The following F8 variants were observed in gnomAD, a reference collection of about 807,000 sequenced individuals.
F8 encodes coagulation factor VIII.
F8 carries 12 observed loss-of-function variants against 140.6 expected under a neutral mutation model. The ratio of observed to expected loss-of-function variants is 0.09; its 90% CI spans 0.05 to 0.14. The LOEUF (loss-of-function observed/expected upper bound fraction) is 0.14. Ranked by LOEUF, F8 falls within the 10% of genes least tolerant of loss-of-function variation. The pLI is 1.00. For missense variants in F8, 1,354 were observed against 1,720.7 expected, an observed-to-expected ratio of 0.79 and a Z score of 3.77; for synonymous variants, 585 against 614.6, an observed-to-expected ratio of 0.95 and a Z score of 0.71.
At position 154,837,724 on chromosome X, in the gene F8, G is replaced by A. The variant is rs373079141; in HGVS notation, c.6929C>T (p.Thr2310Ile). 19 of 1,210,003 alleles carry A rather than the reference G, an allele frequency of 1.6e-5. No individual in the cohort carries two copies. The highest frequency in any genetic ancestry group is 3.5e-5 in the South Asian group (2 of 56,820). ...TGGGTCTAGAGAGTTCACCACAGGT[G>A]TGAAGGAGTCTTGATTTCCCTGAAA... ...KVFQGNQDSF[T>I]PVVNSLDPPL... is the part of the protein sequence containing the mutation. The change falls in exon 26 of 26, where the codon ACA (threonine) becomes ATA (isoleucine). Residue 2310 changes from threonine to isoleucine, a missense_variant. By Grantham distance (89) the Thr-to-Ile change is moderately conservative. This residue lies in a region of F8 where 316 missense variants were observed against 485.4 expected (regional missense o/e 0.65). Coordinates refer to ENST00000360256, the MANE Select transcript of F8 (RefSeq NM_000132.4).
intron 13 of F8, among the ~76,000 whole-genome samples, chrX:154,940,344 C>T (rs782168028): frequency 5.2e-4 from 58 of 112,090 alleles, no homozygotes; most frequent in East Asian, 1.1e-3. Context: ...CTGAAAACCA[C>T]GGCACGAGAA....
intron 4 of F8, among the ~76,000 whole-genome samples, chrX:154,988,347 T>C: frequency 8.9e-6 from 1 of 112,180 alleles, no homozygotes; most frequent in East Asian, 2.8e-4. Context: ...TAACCTTTCA[T>C]GTCTATGTTA....
chrX:154,866,614 C>T (rs1557273169), intron 22 of F8, among the ~76,000 whole-genome samples: 1 of 111,531 alleles, frequency 9.0e-6, no homozygotes, highest in African/African-American at 3.3e-5. Context: ...GGAAACTAAA[C>T]AACACATTCT....
At position 154,889,380 on chromosome X, in the gene F8, GCTT is replaced by G. The variant is rs1201472685; in HGVS notation, c.6429+6694_6429+6696del. ...CCCGGGCTGCAGACCTGGCCGGCTGGCTTCTTGTCAGGTTCAGGAGTTACGGAG... is the reference window on the plus strand; with the variant it reads ...CCCGGGCTGCAGACCTGGCCGGCTGGCTTGTCAGGTTCAGGAGTTACGGAG... On this transcript the variant is annotated intron_variant, in intron 22 of 25. Coordinates refer to ENST00000360256, the MANE Select transcript of F8 (RefSeq NM_000132.4). 1.2e-4 allele frequency among the ~76,000 whole-genome samples: 13 copies of G among 109,292 alleles called. No homozygotes were observed. The East Asian group carries it at 3.7e-3, about 31-fold the overall frequency. 94.9% of individuals were successfully genotyped at this position (109,292 alleles called of 115,157 possible). A position where few individuals can be genotyped will look rare whatever the true frequency, so the allele number is the denominator to read the frequency against.
intron 25 of F8, among the ~76,000 whole-genome samples, chrX:154,841,830 T>C (rs1384809655): frequency 9.0e-6 from 1 of 111,670 alleles, no homozygotes; most frequent in East Asian, 2.8e-4. Context: ...AATATTTTGT[T>C]TGGGATTTAT....
intron 3 of F8, among the ~76,000 whole-genome samples, chrX:154,995,808 C>T (rs1271281725): frequency 9.0e-6 from 1 of 111,482 alleles, no homozygotes; most frequent in Non-Finnish European, 1.9e-5. Context: ...CTTTTTTGTA[C>T]TTAACCTTTG....
Position 154,996,925 on chromosome X carries a change from C to T in F8, c.388+48G>A, listed in dbSNP as rs1282142276. 12 of 1,194,931 alleles carry T rather than the reference C, an allele frequency of 1.0e-5. No individual in the cohort carries two copies. In the Admixed American group the frequency reaches 2.4e-4, roughly 24 times the overall value. On this transcript the variant is annotated intron_variant, in intron 3 of 25. Coordinates refer to ENST00000360256, the MANE Select transcript of F8 (RefSeq NM_000132.4). ...ACCATTACAAAGCACACACATCTCA[C>T]TGTTCTATTCATAGAATGACAGGAC...
At chrX:154,969,199 C>A in intron 7 of F8, 132 bp downstream of exon 7, 2 of 595,875 alleles carry the variant, frequency 3.4e-6, no homozygotes, top group Admixed American at 7.6e-5. Context: ...GGGATCTTGG[C>A]TGAGGTCTAA....
At chrX:154,907,443 A>G (rs1961765460) in intron 14 of F8, among the ~76,000 whole-genome samples, 1 of 112,031 alleles carries the variant, frequency 8.9e-6, no homozygotes, top group South Asian at 3.7e-4. Context: ...GTGAACATAT[A>G]TGTGCATTTC....
intron 4 of F8, among the ~76,000 whole-genome samples, chrX:154,990,293 T>C (rs782633055): frequency 1.8e-5 from 2 of 112,036 alleles, no homozygotes; most frequent in East Asian, 5.6e-4. Context: ...TTGAATATTT[T>C]TGATATACCA....
chrX:154,855,166 A>G (rs2072642916), intron 25 of F8, among the ~76,000 whole-genome samples: 1 of 111,981 alleles, frequency 8.9e-6, no homozygotes. Context: ...CTCCTAATCA[A>G]CTACTTTTAA....
intron 25 of F8, among the ~76,000 whole-genome samples, chrX:154,851,509 C>T (rs939334620): frequency 7.2e-4 from 80 of 111,505 alleles, no homozygotes; most frequent in African/African-American, 2.5e-3. Flanking sequence ...TTCTCATCAT[C>T]AAGGAAGGTT....
chrX:155,011,721 T>C (rs782537380), intron 1 of F8, among the ~76,000 whole-genome samples: 2 of 112,438 alleles, frequency 1.8e-5, no homozygotes, highest in South Asian at 7.4e-4. Flanking sequence ...TATTCAGCCA[T>C]AAAAAGGAGT....
rs781808317 is a variant in F8 at position 155,003,415 on chromosome X, G to GA, written c.144-3816dup. ...TCCAATCAAAACTGAAAAGCAAAGA[G>GA]AAAAAAAGACTGAAAAAAAAAAAAA... On this transcript the variant is annotated intron_variant, in intron 1 of 25. Coordinates refer to ENST00000360256, the MANE Select transcript of F8 (RefSeq NM_000132.4). Among the ~76,000 whole-genome samples, 448 of 92,149 alleles carry GA rather than the reference G, an allele frequency of 4.9e-3. 3 individuals are homozygous for GA. The highest frequency in any genetic ancestry group is 0.017 in the African/African-American group (416 of 24,972). 80.0% of individuals were successfully genotyped at this position (92,149 alleles called of 115,157 possible).
At chrX:154,894,596 G>A (rs1415129565) in intron 22 of F8, among the ~76,000 whole-genome samples, 9 of 110,458 alleles carry the variant, frequency 8.1e-5, no homozygotes, top group East Asian at 5.7e-4. Flanking sequence ...GCATGAGCCC[G>A]TAGTCCCAGC....
chrX:154,866,850 C>A, intron 22 of F8, among the ~76,000 whole-genome samples: 1 of 106,598 alleles, frequency 9.4e-6, no homozygotes, highest in African/African-American at 3.4e-5. Flanking sequence ...ATAATAAATG[C>A]TAGAGCAGAA....
In F8 at chrX:154,837,369, G is replaced by A. The variant is rs886092888; in HGVS notation, c.*228C>T. Reference sequence around the variant, plus strand: ...TGCCTAGTTATATTGGAAGGAAGGAGTAATCTGGGAGCAGCTGCAGAAAAT... The same window carrying A: ...TGCCTAGTTATATTGGAAGGAAGGAATAATCTGGGAGCAGCTGCAGAAAAT... On this transcript the variant is annotated 3_prime_UTR_variant, in exon 26 of 26. Transcript: ENST00000360256. 45 of 417,010 alleles carry A rather than the reference G, an allele frequency of 1.1e-4. No individual in the cohort carries two copies. In the South Asian group the frequency reaches 1.6e-3, roughly 15 times the overall value. 34.4% of individuals were successfully genotyped at this position (417,010 alleles called of 1,213,427 possible). A position where few individuals can be genotyped will look rare whatever the true frequency, so the allele number is the denominator to read the frequency against.
chrX:154,922,296 T>A (rs1318084896), intron 14 of F8, among the ~76,000 whole-genome samples: 4 of 112,309 alleles, frequency 3.6e-5, no homozygotes, highest in African/African-American at 1.3e-4. Context: ...CGATTCCATA[T>A]AATCAGTCTT....
intron 1 of F8, among the ~76,000 whole-genome samples, chrX:155,005,515 A>G (rs1427978046): frequency 4.5e-5 from 5 of 111,099 alleles, no homozygotes; most frequent in African/African-American, 1.6e-4. Context: ...AGACTCAAGA[A>G]AAGCTAAAGC....
Sources: gnomAD v4.1 joint callset for allele counts (sites outside exome capture counted in the v4.1 genomes callset) on GRCh38, gnomAD v4.1.1 for gene constraint, gnomAD v4.1.1 regional missense constraint, MANE v1.5 for transcripts, NCBI Gene and HGNC (gene_info 2026-07-23, HGNC 2026-07-21) for gene names.